The following MIER2 variants were observed in gnomAD, a reference collection of about 807,000 sequenced individuals.
The protein encoded by MIER2 is mesoderm induction early response protein 2.
Under a neutral mutation model 67.6 loss-of-function variants are expected in MIER2, and 30 were observed. That is an observed-to-expected ratio of 0.44 (90% CI 0.33 to 0.60). The LOEUF is 0.60. MIER2 is among the 20% of genes least tolerant of loss of function. The probability of loss-of-function intolerance (pLI) is 0.02; values close to 1 mark genes in which losing one functional copy is unlikely to be tolerated. For synonymous variants in MIER2, 372 were observed against 312.6 expected (o/e 1.19, Z -2.00); for missense variants, 702 against 745.1 (o/e 0.94, Z 0.67).
rs554157846 is a variant in MIER2 at position 337,545 on chromosome 19, C to T, written c.10-1372G>A. Among the ~76,000 whole-genome samples the T allele has an allele frequency of 6.6e-5, 10 of 152,212 alleles. No individual in the cohort carries two copies. In the South Asian group the frequency reaches 8.3e-4, roughly 13 times the overall value. ...ATGGAGGGCTGGATGGTGTAGTCAGCGTAAAAGCATCAAATAAAAAGAATC... is the reference window on the plus strand; with the variant it reads ...ATGGAGGGCTGGATGGTGTAGTCAGTGTAAAAGCATCAAATAAAAAGAATC... On this transcript the variant is annotated intron_variant, in intron 1 of 13. Coordinates refer to ENST00000264819, the MANE Select transcript of MIER2 (RefSeq NM_017550.3).
intron 3 of MIER2, chr19:334,197 T>C (rs1972140596): frequency 1.5e-6 from 1 of 652,838 alleles, no homozygotes; most frequent in Non-Finnish European, 2.6e-6. Context: ...GCTGGCTTAA[T>C]CCTTGACCAC....
chr19:307,684 T>C, intron 12 of MIER2, 148 bp from the exon 13 acceptor site: 5 of 867,410 alleles, frequency 5.8e-6, no homozygotes, highest in Non-Finnish European at 8.2e-6. Context: ...CCAGTTACAC[T>C]GAAATCCGCG....
At chr19:319,727 G>T (rs935971751) in intron 7 of MIER2, among the ~76,000 whole-genome samples, 5 of 152,132 alleles carry the variant, frequency 3.3e-5, no homozygotes, top group African/African-American at 1.2e-4. Flanking sequence ...AAAGTGCTGG[G>T]ATTAAAGGCA....
At position 344,114 on chromosome 19, in the gene MIER2, A is replaced by T. The variant is rs1972629888; in HGVS notation, c.9+660T>A. 1.2e-5 allele frequency: 12 copies of T among 985,254 alleles called. No homozygotes were observed. The South Asian group carries it at 5.2e-4, about 42-fold the overall frequency. The allele number at this position is 985,254 out of a possible 1,614,324, so 61.0% of individuals were successfully genotyped here. On this transcript the variant is annotated intron_variant, in intron 1 of 13. Coordinates refer to ENST00000264819, the MANE Select transcript of MIER2 (RefSeq NM_017550.3). ...TCCTGGACGAGGGAGGAGGCTCCAG[A>T]AGTAACTTCGTGCCCGGGAGAGGCT...
intron 7 of MIER2, among the ~76,000 whole-genome samples, chr19:323,334 G>T (rs956486527): frequency 1.4e-5 from 2 of 138,782 alleles, no homozygotes; most frequent in Non-Finnish European, 3.1e-5. Flanking sequence ...CCACGCAGAC[G>T]ACTCGAATGA....
chr19:310,647 GTC>G (rs1970944972), intron 10 of MIER2, among the ~76,000 whole-genome samples: 8 of 143,220 alleles, frequency 5.6e-5, no homozygotes, highest in African/African-American at 8.0e-5. Context: ...ACAGCCCAGA[GTC>G]CAGAAACACA....
chr19:323,909 C>T (rs950339524), intron 7 of MIER2, among the ~76,000 whole-genome samples: 7 of 151,282 alleles, frequency 4.6e-5, no homozygotes, highest in East Asian at 2.0e-4. Flanking sequence ...ACAGACGACT[C>T]GAAGGACATA....
In MIER2 at chr19:307,543, AAG is replaced by A; in HGVS notation, c.1199-9_1199-8del. ...CCATCCACGCTCAGTGGATCTGTGA[AAG>A]AGAACGCAACAGAGGGTGGGGCCTG... On this transcript the variant is annotated splice_region_variant and splice_polypyrimidine_tract_variant and intron_variant, in intron 12 of 13. Coordinates refer to ENST00000264819, the MANE Select transcript of MIER2 (RefSeq NM_017550.3). The A allele has an allele frequency of 6.7e-7, 1 of 1,497,404 alleles. No individual in the cohort carries two copies. The highest frequency in any genetic ancestry group is 8.8e-7 in the Non-Finnish European group (1 of 1,130,546). 92.8% of individuals were successfully genotyped at this position (1,497,404 alleles called of 1,614,324 possible).
At chr19:344,299 G>C (rs35911837) in intron 1 of MIER2, 341,750 of 985,052 alleles carry the variant, frequency 0.35, 62,265 homozygotes, top group Non-Finnish European at 0.37. Context: ...CGGAGGCGCG[G>C]TGGGTCCACC....
At position 318,822 on chromosome 19, in the gene MIER2, C is replaced by T. The variant is rs372688527; in HGVS notation, c.656-5179G>A. 4.7e-4 allele frequency among the ~76,000 whole-genome samples: 71 copies of T among 151,966 alleles called. No individual in the cohort carries two copies. The South Asian group carries it at 0.013, about 28-fold the overall frequency. On this transcript the variant is annotated intron_variant, in intron 7 of 13. Transcript: ENST00000264819. ...CTGTAATCCCAACACTTTGGGAGGCCGAGGCGGGCAGATCATGAGGTCAGG... is the reference window on the plus strand; with the variant it reads ...CTGTAATCCCAACACTTTGGGAGGCTGAGGCGGGCAGATCATGAGGTCAGG...
intron 3 of MIER2, among the ~76,000 whole-genome samples, chr19:331,084 A>G (rs1972000929): frequency 6.6e-6 from 1 of 152,130 alleles, no homozygotes; most frequent in Non-Finnish European, 1.5e-5. Flanking sequence ...GAAACTGACC[A>G]GGCGTGGCTC....
chr19:310,671 C>CGGGAGCTAT (rs1291996625), intron 10 of MIER2, among the ~76,000 whole-genome samples: 4 of 53,976 alleles, frequency 7.4e-5, no homozygotes, highest in African/African-American at 3.4e-4. Flanking sequence ...CCCGAAGCTC[C>CGGGAGCTAT]AGAAACACAG....
intron 1 of MIER2, among the ~76,000 whole-genome samples, chr19:336,774 G>A (rs1442382388): frequency 6.6e-6 from 1 of 152,156 alleles, no homozygotes; most frequent in Admixed American, 6.5e-5. Flanking sequence ...TTTATGGTTT[G>A]TCAATTACAA....
chr19:335,489 G>T lies in MIER2; in HGVS notation c.100+594C>A, dbSNP rs184179906. 3.3e-5 allele frequency among the ~76,000 whole-genome samples: 5 copies of T among 152,330 alleles called. No homozygotes were observed. The South Asian group carries it at 1.0e-3, about 32-fold the overall frequency. On this transcript the variant is annotated intron_variant, in intron 2 of 13. Transcript: ENST00000264819. ...CGTGAGGGAAAACAGGGATGGCACC[G>T]CCTTCTCTGGGGACTCGGGTGGTGA...
At chr19:315,823 T>C (rs1971213230) in intron 7 of MIER2, among the ~76,000 whole-genome samples, 1 of 152,140 alleles carries the variant, frequency 6.6e-6, no homozygotes, top group South Asian at 2.1e-4. Flanking sequence ...TGACGACTGA[T>C]ACCAACCCAC....
Position 332,490 on chromosome 19 carries a change from C to T in MIER2, c.243+1910G>A, listed in dbSNP as rs189044578. 7.7e-3 allele frequency among the ~76,000 whole-genome samples: 1,172 copies of T among 151,240 alleles called. 15 individuals carry two copies. Among genetic ancestry groups the T allele is most frequent in the Non-Finnish European group, 0.011 (750 of 67,854 alleles). ...CTAATTTTTGTATTTTTAGTAGAGA[C>T]GGGGTTTCACCATGTTGGCCAGCCT... On this transcript the variant is annotated intron_variant, in intron 3 of 13. Coordinates refer to ENST00000264819, the MANE Select transcript of MIER2 (RefSeq NM_017550.3).
intron 10 of MIER2, 115 bp downstream of exon 10, chr19:311,730 G>A (rs1971012159): frequency 5.2e-6 from 5 of 956,096 alleles, no homozygotes; most frequent in Non-Finnish European, 4.8e-6. Flanking sequence ...TGAGGAGGCG[G>A]ACACAGGACA....
chr19:335,824 C>T lies in MIER2; in HGVS notation c.100+259G>A, dbSNP rs114952552. Among the ~76,000 whole-genome samples the T allele has an allele frequency of 5.3e-5, 8 of 152,226 alleles. No homozygotes were observed. The East Asian group carries it at 9.7e-4, about 18-fold the overall frequency. On this transcript the variant is annotated intron_variant, in intron 2 of 13. Coordinates refer to ENST00000264819, the MANE Select transcript of MIER2 (RefSeq NM_017550.3). ...CCTCAGCTCGGTGCAGGCGTGTGCC[C>T]GGGTCCTCTGCTGGGGGTGCTGGGC...
rs1262235453 is a variant in MIER2, at chr19:307,310, G to C, written c.1425C>G (p.Ala475=). ...DASPRLAVDF[A]LPKELPLISS... is the part of the protein sequence containing the mutation. Reference sequence around the variant, plus strand: ...AGATGAGGGGCAGCTCCTTGGGCAGGGCGAAGTCCACGGCCAGCCTTGGGC... The same window carrying C: ...AGATGAGGGGCAGCTCCTTGGGCAGCGCGAAGTCCACGGCCAGCCTTGGGC... Residue 475 remains alanine (A), a synonymous_variant, in exon 13 of 14, where the codon GCC becomes GCG. Transcript: ENST00000264819. The C allele has an allele frequency of 2.5e-6, 4 of 1,600,628 alleles. No individual in the cohort carries two copies. The highest frequency in any genetic ancestry group is 3.4e-6 in the Non-Finnish European group (4 of 1,174,356).
Sources: allele counts gnomAD v4.1 joint callset (sites outside exome capture counted in the v4.1 genomes callset), GRCh38; gene constraint gnomAD v4.1.1; transcripts MANE v1.5; gene names NCBI Gene and HGNC (gene_info 2026-07-23, HGNC 2026-07-21).